The following DIP2C variants were observed in gnomAD, a reference collection of about 807,000 sequenced individuals.
The protein encoded by DIP2C is DIP2 acetate--CoA ligase C (putative), also known as disco-interacting protein 2 homolog C.
In DIP2C, 33 loss-of-function variants were observed where a neutral mutation model predicts 192.4. The observed-to-expected ratio is 0.17, with a 90% CI of 0.13 to 0.23. The LOEUF is 0.23. DIP2C is among the 10% of genes least tolerant of loss of function. DIP2C has a pLI of 1.00. For synonymous variants in DIP2C, 979 were observed against 864.1 expected (o/e 1.13, Z -2.33); for missense variants, 1,537 against 2,110.1 (o/e 0.73, Z 5.32).
intron 26 of DIP2C, among the ~76,000 whole-genome samples, chr10:347,417 A>C (rs71492987): frequency 6.7e-6 from 1 of 148,536 alleles, no homozygotes; most frequent in Admixed American, 6.7e-5. Flanking sequence ...CACATCGCGC[A>C]TAGTTCTCCC....
intron 24 of DIP2C, 71 bp from the exon 25 acceptor site, chr10:349,525 G>A (rs369413657): frequency 2.4e-5 from 37 of 1,532,876 alleles, no homozygotes; most frequent in Middle Eastern, 1.7e-4. Flanking sequence ...GCGCGCACGC[G>A]TCATACAACT....
intron 1 of DIP2C, among the ~76,000 whole-genome samples, chr10:510,017 C>T (rs186230218): frequency 1.5e-3 from 233 of 152,294 alleles, no homozygotes; most frequent in Non-Finnish European, 1.5e-3. Flanking sequence ...GGGTGCAGCG[C>T]GGCCTGCAGC....
Position 277,586 on chromosome 10 carries a change from CAG to C in DIP2C, c.4419-11_4419-10del. 2.5e-6 allele frequency: 4 copies of C among 1,612,406 alleles called. No homozygotes were observed. Among genetic ancestry groups the C allele is most frequent in the Non-Finnish European group, 3.4e-6 (4 of 1,179,138 alleles). On this transcript the variant is annotated splice_polypyrimidine_tract_variant and intron_variant, in intron 36 of 36. Coordinates refer to ENST00000280886, the MANE Select transcript of DIP2C (RefSeq NM_014974.3). The stretch of plus-strand genomic sequence containing the variant: ...TCCAGGTAAACACAGCACTAAAAGA[CAG>C]AAAAGAAAGCCATCATTATATGTTT...
At chr10:314,236 T>C (rs543320554) in intron 31 of DIP2C, among the ~76,000 whole-genome samples, 1 of 152,364 alleles carries the variant, frequency 6.6e-6, no homozygotes, top group East Asian at 1.9e-4. Flanking sequence ...CTCCCAGTGA[T>C]CTTTTCAAAA....
chr10:334,861 A>T (rs1957681581), intron 29 of DIP2C, among the ~76,000 whole-genome samples: 1 of 152,196 alleles, frequency 6.6e-6, no homozygotes, highest in African/African-American at 2.4e-5. Context: ...CAGGAATGAG[A>T]AGTTCTGAAT....
At chr10:558,009 G>A (rs1391535709) in intron 1 of DIP2C, among the ~76,000 whole-genome samples, 1 of 152,130 alleles carries the variant, frequency 6.6e-6, no homozygotes, top group Non-Finnish European at 1.5e-5. Context: ...ACATGACAGG[G>A]CGGACACATG....
chr10:330,622 A>AGGAC (rs1033348367), intron 29 of DIP2C, among the ~76,000 whole-genome samples: 17 of 149,882 alleles, frequency 1.1e-4, no homozygotes, highest in Admixed American at 1.1e-3. Flanking sequence ...CTGAGTCAGT[A>AGGAC]GGACCACAGG....
At chr10:478,640 T>TCA (rs1360860322) in intron 2 of DIP2C, among the ~76,000 whole-genome samples, 1 of 145,998 alleles carries the variant, frequency 6.8e-6, no homozygotes, top group Non-Finnish European at 1.5e-5. Flanking sequence ...TATTCTCAAC[T>TCA]CATCCCGTGT....
chr10:279,303 G>T (rs1448243547), intron 36 of DIP2C, among the ~76,000 whole-genome samples: 1 of 152,132 alleles, frequency 6.6e-6, no homozygotes, highest in African/African-American at 2.4e-5. Context: ...CGTCTCAGGC[G>T]CATTTGGTAT....
intron 4 of DIP2C, among the ~76,000 whole-genome samples, chr10:435,516 A>G (rs1309381476): frequency 1.3e-5 from 2 of 152,202 alleles, no homozygotes; most frequent in African/African-American, 4.8e-5. Flanking sequence ...TGTCAATTCC[A>G]GTTCAGGTTT....
chr10:441,947 G>A (rs527742757), intron 3 of DIP2C, among the ~76,000 whole-genome samples: 49 of 66,994 alleles, frequency 7.3e-4, no homozygotes, highest in African/African-American at 1.5e-3. Context: ...GGTGACAGAC[G>A]GGGTAGAGAA....
chr10:383,649 CCTG>C (rs1463747049), intron 16 of DIP2C, among the ~76,000 whole-genome samples: 1 of 152,132 alleles, frequency 6.6e-6, no homozygotes, highest in African/African-American at 2.4e-5. Context: ...TTCCTTATTA[CCTG>C]CTTAGGGCTT....
chr10:561,982 C>A lies in DIP2C; in HGVS notation c.86-75452G>T, dbSNP rs76117926. Among the ~76,000 whole-genome samples the A allele has an allele frequency of 9.3e-3, 1,413 of 152,328 alleles. 27 individuals are homozygous for A. Among genetic ancestry groups the A allele is most frequent in the African/African-American group, 0.032 (1,334 of 41,576 alleles). On this transcript the variant is annotated intron_variant, in intron 1 of 36. Transcript: ENST00000280886. ...CACCAGCCGGGCCGTGCACCTGTTCCTACAACTGCTGTCACCAGACTATAG... is the reference window on the plus strand; with the variant it reads ...CACCAGCCGGGCCGTGCACCTGTTCATACAACTGCTGTCACCAGACTATAG...
chr10:300,554 G>A (rs1382697561), intron 32 of DIP2C, among the ~76,000 whole-genome samples: 2 of 152,162 alleles, frequency 1.3e-5, no homozygotes, highest in East Asian at 3.8e-4. Context: ...CCAGAACCAG[G>A]AGCAGCCCTG....
intron 1 of DIP2C, among the ~76,000 whole-genome samples, chr10:678,554 ATGCC>A (rs1329441165): frequency 4.0e-4 from 58 of 143,848 alleles, no homozygotes; most frequent in African/African-American, 1.4e-3. Context: ...TCTGCTCCCC[ATGCC>A]CATGCTCCCC....
chr10:544,268 C>T (rs966535365), intron 1 of DIP2C, among the ~76,000 whole-genome samples: 8 of 152,218 alleles, frequency 5.3e-5, no homozygotes, highest in African/African-American at 1.2e-4. Flanking sequence ...CATTGGAGCA[C>T]ATGTTCTTTT....
intron 3 of DIP2C, among the ~76,000 whole-genome samples, chr10:462,456 C>CT (rs1258099697): frequency 6.6e-6 from 1 of 152,170 alleles, no homozygotes; most frequent in Non-Finnish European, 1.5e-5. Context: ...CACATACACC[C>CT]TCTCAAGACT....
chr10:679,060 CCCCGCGCCCA>C (rs1285227184), intron 1 of DIP2C, among the ~76,000 whole-genome samples: 2 of 19,352 alleles, frequency 1.0e-4, no homozygotes, highest in Non-Finnish European at 2.8e-4. Flanking sequence ...CACCCGTCCT[CCCCGCGCCCA>C]TGCTCCCCAC....
chr10:343,719 A>G (rs913967417), intron 28 of DIP2C, among the ~76,000 whole-genome samples: 4 of 152,212 alleles, frequency 2.6e-5, no homozygotes, highest in Non-Finnish European at 5.9e-5. Context: ...CACTCAGATC[A>G]GCAACTAGAG....
Sources: allele counts gnomAD v4.1 joint callset (sites outside exome capture counted in the v4.1 genomes callset), GRCh38; gene constraint gnomAD v4.1.1; transcripts MANE v1.5; gene names NCBI Gene and HGNC (gene_info 2026-07-23, HGNC 2026-07-21).